The following RBFOX1 variants were observed in gnomAD, a reference collection of about 807,000 sequenced individuals.
The protein encoded by RBFOX1 is RNA binding fox-1 homolog 1.
In RBFOX1, 8 loss-of-function variants were observed where a neutral mutation model predicts 57.7. The ratio of observed to expected loss-of-function variants is 0.14; its 90% CI spans 0.08 to 0.25. The LOEUF (loss-of-function observed/expected upper bound fraction) is 0.25. RBFOX1 is among the 10% of genes least tolerant of loss of function. RBFOX1 has a pLI of 1.00. For missense variants in RBFOX1, 611 were observed against 548.5 expected, an observed-to-expected ratio of 1.11 and a Z score of -1.14; for synonymous variants, 326 against 222.4, an observed-to-expected ratio of 1.47 and a Z score of -4.15.
chr16:7,615,188 C>T (rs1171875975), intron 10 of RBFOX1, among the ~76,000 whole-genome samples: 1 of 152,140 alleles, frequency 6.6e-6, no homozygotes, highest in Admixed American at 6.5e-5. Flanking sequence ...AAAAAAGTAT[C>T]TGGGCGTGGT....
chr16:6,842,232 A>C (rs564737058), intron 3 of RBFOX1, among the ~76,000 whole-genome samples: 87 of 152,150 alleles, frequency 5.7e-4, no homozygotes, highest in Non-Finnish European at 1.1e-3. Flanking sequence ...TCAGCTGAAT[A>C]ATACCTCTGA....
At chr16:6,105,559 C>T (rs1036032985) in intron 1 of RBFOX1, among the ~76,000 whole-genome samples, 6 of 152,050 alleles carry the variant, frequency 3.9e-5, no homozygotes, top group Admixed American at 1.3e-4. Flanking sequence ...AAATGAGCAG[C>T]CAAATGTCTC....
At chr16:6,913,993 A>G (rs758391887) in intron 3 of RBFOX1, among the ~76,000 whole-genome samples, 54 of 152,196 alleles carry the variant, frequency 3.5e-4, no homozygotes, top group Admixed American at 3.9e-4. Flanking sequence ...ATTGCACTTG[A>G]TGAGAATGTT....
intron 3 of RBFOX1, among the ~76,000 whole-genome samples, chr16:7,030,540 GTC>G (rs2153691004): frequency 6.6e-6 from 1 of 152,220 alleles, no homozygotes; most frequent in Admixed American, 6.5e-5. Context: ...CATCACTCTA[GTC>G]TCTGCCTCTG....
chr16:6,020,071 C>A, intron 1 of RBFOX1, 79 bp downstream of exon 1: 2 of 1,332,778 alleles, frequency 1.5e-6, no homozygotes, highest in Non-Finnish European at 1.9e-6. Flanking sequence ...TGGAGGGAAG[C>A]GCTAGGTCCC....
chr16:6,624,265 T>G (rs1248829716), intron 2 of RBFOX1, among the ~76,000 whole-genome samples: 2 of 152,238 alleles, frequency 1.3e-5, no homozygotes, highest in African/African-American at 4.8e-5. Context: ...AAATATCTCG[T>G]TGCTTCCTTT....
intron 1 of RBFOX1, among the ~76,000 whole-genome samples, chr16:5,292,183 C>T (rs977887222): frequency 4.6e-5 from 7 of 152,084 alleles, no homozygotes; most frequent in South Asian, 2.1e-4. Context: ...TTTAGATGTG[C>T]GCCAGTGTTA....
At chr16:6,118,154 T>A (rs11643187) in intron 1 of RBFOX1, among the ~76,000 whole-genome samples, 5,671 of 152,294 alleles carry the variant, frequency 0.037, 182 homozygotes, top group African/African-American at 0.077. Context: ...TAAGTTAGCA[T>A]TAAGACCATG....
chr16:5,918,413 C>T (rs1005307267), intron 4 of RBFOX1, among the ~76,000 whole-genome samples: 8 of 152,182 alleles, frequency 5.3e-5, no homozygotes, highest in Non-Finnish European at 8.8e-5. Context: ...AGCAACCACG[C>T]CCAGCCAGTT....
chr16:7,468,450 G>A (rs936286739), intron 4 of RBFOX1, among the ~76,000 whole-genome samples: 3 of 146,138 alleles, frequency 2.1e-5, no homozygotes, highest in Non-Finnish European at 4.5e-5. Flanking sequence ...TGAGTCACTC[G>A]GAGGGTGTTT....
At chr16:5,259,651 A>G (rs1286844037) in intron 1 of RBFOX1, among the ~76,000 whole-genome samples, 1 of 152,190 alleles carries the variant, frequency 6.6e-6, no homozygotes, top group Non-Finnish European at 1.5e-5. Context: ...CATTTTAAGA[A>G]GAATCTTTTT....
chr16:7,004,246 A>G (rs919536783), intron 3 of RBFOX1: 4 of 152,328 alleles, frequency 2.6e-5, no homozygotes, highest in African/African-American at 4.8e-5. Flanking sequence ...GCATAGAAGA[A>G]TATATAATGC....
chr16:5,659,867 T>C (rs2049589064), intron 3 of RBFOX1, among the ~76,000 whole-genome samples: 1 of 152,220 alleles, frequency 6.6e-6, no homozygotes, highest in Non-Finnish European at 1.5e-5. Flanking sequence ...CCCCAAATAC[T>C]AGTTATCCTC....
intron 1 of RBFOX1, among the ~76,000 whole-genome samples, chr16:6,084,081 C>T (rs1048008667): frequency 4.1e-4 from 62 of 152,122 alleles, no homozygotes; most frequent in African/African-American, 1.5e-3. Context: ...GAGCAACTTG[C>T]ACTTAGGGGC....
intron 3 of RBFOX1, among the ~76,000 whole-genome samples, chr16:5,793,439 G>T (rs1354542968): frequency 6.6e-6 from 1 of 152,250 alleles, no homozygotes; most frequent in Non-Finnish European, 1.5e-5. Flanking sequence ...CGTTGGCATG[G>T]GTGCTGGGGG....
chr16:7,159,092 T>C (rs1601415436), intron 4 of RBFOX1, among the ~76,000 whole-genome samples: 1 of 152,160 alleles, frequency 6.6e-6, no homozygotes, highest in Middle Eastern at 3.4e-3. Flanking sequence ...ATATCAAGAA[T>C]ATTATATAAA....
At chr16:7,629,196 C>A (rs752561397) in intron 10 of RBFOX1, among the ~76,000 whole-genome samples, 2 of 152,020 alleles carry the variant, frequency 1.3e-5, no homozygotes, top group African/African-American at 4.8e-5. Context: ...GTTGTCAGAC[C>A]GGTAACAGGG....
At chr16:6,050,603 T>A (rs553992254) in intron 1 of RBFOX1, among the ~76,000 whole-genome samples, 1 of 152,298 alleles carries the variant, frequency 6.6e-6, no homozygotes, top group Middle Eastern at 3.4e-3. Flanking sequence ...TGATGAAGCA[T>A]CCATTGACCA....
At chr16:6,504,403 G>C (rs182081786) in intron 2 of RBFOX1, among the ~76,000 whole-genome samples, 19 of 152,304 alleles carry the variant, frequency 1.2e-4, no homozygotes, top group African/African-American at 3.6e-4. Context: ...TTCTGATTCT[G>C]CTGGCACTGG....
Sources: allele counts gnomAD v4.1 joint callset (sites outside exome capture counted in the v4.1 genomes callset), GRCh38; gene constraint gnomAD v4.1.1; transcripts MANE v1.5; gene names NCBI Gene and HGNC (gene_info 2026-07-23, HGNC 2026-07-21).